Variants in PRKN observed in about 807,000 individuals in gnomAD.
The protein encoded by PRKN is E3 ubiquitin-protein ligase parkin.
A neutral mutation model predicts 59.5 loss-of-function variants in PRKN; 56 were observed. That is an observed-to-expected ratio of 0.94 (90% CI 0.76 to 1.18). PRKN has a LOEUF of 1.18. Among genes scored for constraint, PRKN ranks in the 50% most tolerant of loss-of-function variants. The pLI, the probability that PRKN is intolerant of heterozygous loss-of-function variation, is 0.00. For missense variants in PRKN, 657 were observed against 596.4 expected (o/e 1.10, Z -1.06); for synonymous variants, 250 against 222.1 (o/e 1.13, Z -1.12).
chr6:161,715,398 T>A (rs2128183635), intron 7 of PRKN, among the ~76,000 whole-genome samples: 1 of 152,210 alleles, frequency 6.6e-6, no homozygotes, highest in Middle Eastern at 3.4e-3. Flanking sequence ...GGTGGTGGGA[T>A]TATGCGTATT....
At position 161,525,936 on chromosome 6, in the gene PRKN, A is replaced by G. The variant is rs1382307599; in HGVS notation, c.1083+22918T>C. Among the ~76,000 whole-genome samples, 3 of 152,242 alleles carry G rather than the reference A, an allele frequency of 2.0e-5. No homozygotes were observed. The highest frequency in any genetic ancestry group is 2.9e-5 in the Non-Finnish European group (2 of 68,042). On this transcript the variant is annotated intron_variant, in intron 9 of 11. Transcript: ENST00000366898. The surrounding 1 kb of genome is among the most constrained non-coding windows in gnomAD (Gnocchi z 4.7). ...AAATATTTTAAATCTAATTATACCA[A>G]TGTCTCAAATATATAACAAATATAA... is the stretch of plus-strand genomic sequence containing the variant.
chr6:161,933,898 A>G (rs1481670371), intron 6 of PRKN, among the ~76,000 whole-genome samples: 1 of 152,224 alleles, frequency 6.6e-6, no homozygotes, highest in African/African-American at 2.4e-5. Context: ...TCTTTGGACC[A>G]CACTTTGTCC....
At chr6:161,900,928 A>ATT (rs1554245085) in intron 6 of PRKN, among the ~76,000 whole-genome samples, 8,311 of 143,458 alleles carry the variant, frequency 0.058, 781 homozygotes, top group African/African-American at 0.19. Flanking sequence ...ATATATATAT[A>ATT]TTTTTTAGAT....
intron 3 of PRKN, among the ~76,000 whole-genome samples, chr6:162,216,553 A>C (rs964068648): frequency 4.0e-5 from 6 of 150,814 alleles, no homozygotes; most frequent in Non-Finnish European, 8.9e-5. Context: ...AAAAAAAAAA[A>C]AAAAAAAAAA....
chr6:161,898,701 T>C (rs1303385631), intron 6 of PRKN, among the ~76,000 whole-genome samples: 1 of 152,156 alleles, frequency 6.6e-6, no homozygotes, highest in Non-Finnish European at 1.5e-5. Flanking sequence ...AGGTGGCAAG[T>C]TTCATAAAAT....
intron 6 of PRKN, among the ~76,000 whole-genome samples, chr6:161,896,020 GA>G (rs1471170815): frequency 1.4e-4 from 21 of 152,258 alleles, no homozygotes; most frequent in African/African-American, 3.8e-4. Context: ...TTATCAGTAA[GA>G]AGGGAAAATC....
At chr6:161,383,645 G>C (rs118029467) in intron 10 of PRKN, among the ~76,000 whole-genome samples, 6,076 of 152,294 alleles carry the variant, frequency 0.04, 169 homozygotes, top group Admixed American at 0.086. Context: ...GCAGCTCATG[G>C]GGTTCATGGG....
intron 6 of PRKN, among the ~76,000 whole-genome samples, chr6:161,899,685 C>T (rs957692175): frequency 6.6e-6 from 1 of 152,218 alleles, no homozygotes; most frequent in Non-Finnish European, 1.5e-5. Flanking sequence ...TCAACAACTA[C>T]TTACCAAACA....
chr6:161,777,032 G>T (rs898723448), intron 7 of PRKN, among the ~76,000 whole-genome samples: 2 of 152,096 alleles, frequency 1.3e-5, no homozygotes, highest in Non-Finnish European at 1.5e-5. Flanking sequence ...CAGTGATTAG[G>T]AACGCAGGCG....
chr6:162,443,428 TCGAC>T lies in PRKN; in HGVS notation c.49_52del (p.Val17IlefsTer26). 1 of 1,614,124 alleles carries T rather than the reference TCGAC, an allele frequency of 6.2e-7. No homozygotes were observed. The highest frequency in any genetic ancestry group is 8.5e-7 in the Non-Finnish European group (1 of 1,180,008). ...GAGCTGGAAGATGCTGGTGTCAGAA[TCGAC>T]CTCCACTGGGAAACCATGGCTGGAG... On this transcript the variant is annotated frameshift_variant, in exon 2 of 12. Coordinates refer to ENST00000366898, the MANE Select transcript of PRKN (RefSeq NM_004562.3). LOFTEE classifies it high-confidence loss of function.
At chr6:161,707,545 C>A (rs1006291672) in intron 7 of PRKN, among the ~76,000 whole-genome samples, 1 of 152,178 alleles carries the variant, frequency 6.6e-6, no homozygotes, top group African/African-American at 2.4e-5. Flanking sequence ...TTCGACACAA[C>A]AAACACACTA....
At chr6:162,308,873 TATG>T (rs1377913622) in intron 2 of PRKN, among the ~76,000 whole-genome samples, 1 of 152,100 alleles carries the variant, frequency 6.6e-6, no homozygotes, top group Non-Finnish European at 1.5e-5. Context: ...TAATCAGTCA[TATG>T]ATAATATTCT....
chr6:162,088,511 T>A (rs182600234), intron 4 of PRKN, among the ~76,000 whole-genome samples: 4 of 151,846 alleles, frequency 2.6e-5, no homozygotes, highest in African/African-American at 7.2e-5. Context: ...TAGTAAAATT[T>A]TAGTCAAAAT....
intron 9 of PRKN, among the ~76,000 whole-genome samples, chr6:161,436,752 A>G (rs1788935071): frequency 6.6e-6 from 1 of 152,076 alleles, no homozygotes; most frequent in Non-Finnish European, 1.5e-5. Flanking sequence ...ACCTGGATTA[A>G]GAGCCATTCC....
chr6:162,243,558 TTTAATAGAGG>T lies in PRKN; in HGVS notation c.412+18957_412+18966del, dbSNP rs1379019581. Among the ~76,000 whole-genome samples the T allele has an allele frequency of 3.3e-5, 5 of 152,238 alleles. No individual in the cohort carries two copies. The East Asian group carries it at 9.7e-4, about 29-fold the overall frequency. ...GTATAACAGGTACATTTAATACGAGTTTAATAGAGGTTTCTAGTACATAGTACTCAGTTTG... is the reference window on the plus strand; with the variant it reads ...GTATAACAGGTACATTTAATACGAGTTTTCTAGTACATAGTACTCAGTTTG... On this transcript the variant is annotated intron_variant, in intron 3 of 11. Coordinates refer to ENST00000366898, the MANE Select transcript of PRKN (RefSeq NM_004562.3).
intron 6 of PRKN, among the ~76,000 whole-genome samples, chr6:161,968,927 T>C (rs965444051): frequency 2.0e-5 from 3 of 152,222 alleles, no homozygotes; most frequent in Non-Finnish European, 4.4e-5. Context: ...TGTATAGCTT[T>C]CATATGGAGA....
chr6:161,878,428 C>T (rs1014236609), intron 6 of PRKN, among the ~76,000 whole-genome samples: 3 of 152,228 alleles, frequency 2.0e-5, no homozygotes, highest in Middle Eastern at 3.4e-3. Context: ...ATCCCAGAGC[C>T]GACCACTGTC....
At chr6:162,416,863 T>C (rs979959262) in intron 2 of PRKN, among the ~76,000 whole-genome samples, 5 of 152,116 alleles carry the variant, frequency 3.3e-5, no homozygotes, top group African/African-American at 1.2e-4. Flanking sequence ...CTAAAATGAA[T>C]CAACTTAATA....
rs1347073693 is a variant in PRKN at position 161,369,783 on chromosome 6, T to G, written c.1168-9578A>C. ...GAAACATCTATAATATACTTATATATAGATGTTTCATATATATATTTCATA... is the reference window on the plus strand; with the variant it reads ...GAAACATCTATAATATACTTATATAGAGATGTTTCATATATATATTTCATA... On this transcript the variant is annotated intron_variant, in intron 10 of 11. Transcript: ENST00000366898. The surrounding 1 kb of genome is among the most constrained non-coding windows in gnomAD (Gnocchi z 5.8). 2.0e-5 allele frequency among the ~76,000 whole-genome samples: 3 copies of G among 151,846 alleles called. No individual in the cohort carries two copies. Among genetic ancestry groups the G allele is most frequent in the African/African-American group, 7.3e-5 (3 of 41,352 alleles).
Sources: gnomAD v4.1 joint callset for allele counts (sites outside exome capture counted in the v4.1 genomes callset) on GRCh38, gnomAD v4.1.1 for gene constraint, Gnocchi (gnomAD v3.1) non-coding constraint, MANE v1.5 for transcripts, NCBI Gene and HGNC (gene_info 2026-07-23, HGNC 2026-07-21) for gene names.